PALM: variants seen among roughly 807,000 people sequenced by gnomAD.
PALM encodes the protein paralemmin.
In PALM, 18 loss-of-function variants were observed where a neutral mutation model predicts 30.7. The observed-to-expected ratio is 0.59, with a 90% CI of 0.41 to 0.87. The LOEUF is 0.87. Among genes scored for constraint, PALM ranks in the 40% least tolerant of loss-of-function variants. The pLI, the probability that PALM is intolerant of heterozygous loss-of-function variation, is 0.00. For synonymous variants in PALM, 286 were observed against 242.8 expected (o/e 1.18, Z -1.66); for missense variants, 529 against 555.4 (o/e 0.95, Z 0.48).
At chr19:726,116 T>C in intron 1 of PALM, 22 bp from the exon 2 acceptor site, 5 of 1,605,292 alleles carry the variant, frequency 3.1e-6, no homozygotes, top group Non-Finnish European at 4.3e-6. Context: ...AACCAGAGCT[T>C]GACCTTATCT....
At chr19:711,143 T>C in intron 1 of PALM, 3 of 949,578 alleles carry the variant, frequency 3.2e-6, no homozygotes, top group Non-Finnish European at 3.8e-6. Flanking sequence ...TTTTTGTTAA[T>C]GTGAGGATTT....
chr19:727,112 G>T, intron 3 of PALM, 24 bp downstream of exon 3: 1 of 1,482,796 alleles, frequency 6.7e-7, no homozygotes, highest in East Asian at 2.5e-5. Context: ...AGGGACCCAG[G>T]GTCAGGGAGT....
rs948183035 is a variant in PALM, at chr19:742,626, A to AAG, written c.634+2144_634+2145insGA. Among the ~76,000 whole-genome samples the AAG allele has an allele frequency of 3.3e-5, 5 of 151,248 alleles. No homozygotes were observed. Among genetic ancestry groups the AAG allele is most frequent in the African/African-American group, 1.2e-4 (5 of 41,240 alleles). The stretch of plus-strand genomic sequence containing the variant: ...GTCTCAAAAAAAAAAAAAAGAAAGA[A>AAG]AAGAGAATAAATGGGGTCACACACT... On this transcript the variant is annotated intron_variant, in intron 8 of 8. Transcript: ENST00000338448. The surrounding 1 kb of genome is among the most constrained non-coding windows in gnomAD (Gnocchi z 5.5).
intron 1 of PALM, among the ~76,000 whole-genome samples, chr19:714,433 A>G (rs1334547179): frequency 7.5e-6 from 1 of 133,316 alleles, no homozygotes; most frequent in Non-Finnish European, 1.5e-5. Context: ...ATCTCGGCTC[A>G]CTGCAAGCTC....
intron 4 of PALM, 96 bp from the exon 5 acceptor site, chr19:730,999 C>G: frequency 1.3e-6 from 1 of 786,964 alleles, no homozygotes; most frequent in South Asian, 1.9e-5. Flanking sequence ...GAGAATCTGT[C>G]TCAAAAAAAA....
chr19:743,381 C>T (rs953543111), intron 8 of PALM, among the ~76,000 whole-genome samples: 3 of 152,188 alleles, frequency 2.0e-5, no homozygotes, highest in Admixed American at 6.5e-5. Flanking sequence ...TGCTTAGCAA[C>T]GGGCAGGTGA....
At chr19:710,852 A>C (rs2283578) in intron 1 of PALM, among the ~76,000 whole-genome samples, 104,737 of 152,036 alleles carry the variant, frequency 0.69, 36,397 homozygotes, top group South Asian at 0.85. Context: ...TTCGAGGACG[A>C]CTCTCTCCCC....
At position 709,465 on chromosome 19, in the gene PALM, T is replaced by C. The variant is rs2031996916; in HGVS notation, c.5+314T>C. Among the ~76,000 whole-genome samples, 1 of 151,530 alleles carries C rather than the reference T, an allele frequency of 6.6e-6. No individual in the cohort carries two copies. The highest frequency in any genetic ancestry group is 2.4e-5 in the African/African-American group (1 of 41,238). On this transcript the variant is annotated intron_variant, in intron 1 of 8. Coordinates refer to ENST00000338448, the MANE Select transcript of PALM (RefSeq NM_002579.3). The surrounding 1 kb of genome is among the most constrained non-coding windows in gnomAD (Gnocchi z 4.3). ...CGTCTCCGCCCGCGCCCCGCCCGCG[T>C]CTCCAGGGCGAGCCTCGGCTCTCGG...
rs577263201 is a variant in PALM, at chr19:711,765, C to T, written c.5+2614C>T. 1.8e-4 allele frequency among the ~76,000 whole-genome samples: 28 copies of T among 152,218 alleles called. No individual in the cohort carries two copies. The South Asian group carries it at 2.9e-3, about 16-fold the overall frequency. On this transcript the variant is annotated intron_variant, in intron 1 of 8. Coordinates refer to ENST00000338448, the MANE Select transcript of PALM (RefSeq NM_002579.3). ...AGTGGTTTTGAAGGCAAGGAATAGA[C>T]AGATACTGTCCAGGAGGTGGCGGAA...
Position 747,519 on chromosome 19 carries a change from C to G in PALM, c.*705C>G, listed in dbSNP as rs781135061. Reference sequence around the variant, plus strand: ...CCCCTGGGCTATCTTCTAGACGGGGCGAACCAGGGGTCATTGACCTGCCCC... The same window carrying G: ...CCCCTGGGCTATCTTCTAGACGGGGGGAACCAGGGGTCATTGACCTGCCCC... On this transcript the variant is annotated 3_prime_UTR_variant, in exon 9 of 9. Transcript: ENST00000338448. The G allele has an allele frequency of 6.6e-6, 1 of 152,636 alleles. No individual in the cohort carries two copies. The highest frequency in any genetic ancestry group is 2.4e-5 in the African/African-American group (1 of 41,458). The allele number at this position is 152,636 out of a possible 1,614,324, so 9.5% of individuals were successfully genotyped here. A position where few individuals can be genotyped will look rare whatever the true frequency, so the allele number is the denominator to read the frequency against.
intron 1 of PALM, among the ~76,000 whole-genome samples, chr19:724,643 G>C (rs1233951049): frequency 6.6e-6 from 1 of 151,658 alleles, no homozygotes; most frequent in African/African-American, 2.4e-5. Flanking sequence ...TTGAGACAGA[G>C]CCTCATGCTG....
At chr19:737,967 T>A (rs2033071911) in intron 7 of PALM, among the ~76,000 whole-genome samples, 3 of 151,934 alleles carry the variant, frequency 2.0e-5, no homozygotes, top group Admixed American at 2.0e-4. Context: ...GAACAGACCG[T>A]GGACGGTGCC....
At chr19:727,165 C>G (rs1446956375) in intron 3 of PALM, 77 bp downstream of exon 3, 1 of 929,938 alleles carries the variant, frequency 1.1e-6, no homozygotes, top group African/African-American at 1.6e-5. Context: ...CTGCCCAACC[C>G]TGACCCTGAC....
intron 1 of PALM, chr19:719,157 C>T (rs2032369746): frequency 1.0e-6 from 1 of 985,410 alleles, no homozygotes; most frequent in Non-Finnish European, 1.2e-6. Flanking sequence ...TGGAGCTGCC[C>T]GGGCGTGGGT....
rs754441635 is a variant in PALM, at chr19:746,302, G to C, written c.652G>C (p.Gly218Arg). 16 of 1,613,134 alleles carry C rather than the reference G, an allele frequency of 9.9e-6. No individual in the cohort carries two copies. Among genetic ancestry groups the C allele is most frequent in the Non-Finnish European group, 1.3e-5 (15 of 1,179,530 alleles). ...TTGTACAGTGGTCCATGCTGTGGAC[G>C]GCACCGCCGAGAACGGGATCCACCC... is the stretch of plus-strand genomic sequence containing the variant. The part of the protein sequence containing the change: ...DETKVVHAVD[G>R]TAENGIHPLS... Residue 218 changes from glycine to arginine, a missense_variant, in exon 9 of 9, where the codon GGC becomes CGC. Gly to Arg is a moderately radical substitution (Grantham distance 125, BLOSUM62 -2). Transcript: ENST00000338448. The surrounding 1 kb of genome is among the most constrained non-coding windows in gnomAD (Gnocchi z 7.1).
intron 7 of PALM, among the ~76,000 whole-genome samples, chr19:736,659 G>C (rs892753626): frequency 6.6e-6 from 1 of 152,056 alleles, no homozygotes; most frequent in Non-Finnish European, 1.5e-5. Flanking sequence ...ACCTCAGTAC[G>C]CCATCCTGGG....
rs924125713 is a variant in PALM, at chr19:747,136, C to T, written c.*322C>T. ...CGGCTCGCGCCCACCGGGGTCCTGG[C>T]GGGTGGGACCCGCAGCCTCCACGCG... On this transcript the variant is annotated 3_prime_UTR_variant, in exon 9 of 9. Coordinates refer to ENST00000338448, the MANE Select transcript of PALM (RefSeq NM_002579.3). The T allele has an allele frequency of 2.7e-5, 8 of 297,190 alleles. No homozygotes were observed. Among genetic ancestry groups the T allele is most frequent in the South Asian group, 1.7e-4 (4 of 23,078 alleles). 18.4% of individuals were successfully genotyped at this position (297,190 alleles called of 1,614,324 possible).
At chr19:731,806 C>T (rs745840307) in intron 5 of PALM, among the ~76,000 whole-genome samples, 41 of 152,018 alleles carry the variant, frequency 2.7e-4, no homozygotes, top group Non-Finnish European at 5.1e-4. Flanking sequence ...ACTACAGGCG[C>T]CTGCCACCAT....
intron 5 of PALM, 111 bp from the exon 6 acceptor site, chr19:734,062 G>T: frequency 2.3e-6 from 2 of 884,208 alleles, no homozygotes; most frequent in Non-Finnish European, 1.9e-6. Context: ...AAGCGGGTGC[G>T]TATGACGTCA....
Sources: allele counts gnomAD v4.1 joint callset (sites outside exome capture counted in the v4.1 genomes callset), GRCh38; gene constraint gnomAD v4.1.1; non-coding constraint Gnocchi (gnomAD v3.1); transcripts MANE v1.5; gene names NCBI Gene and HGNC (gene_info 2026-07-23, HGNC 2026-07-21).